Variants in JARID2 observed in about 807,000 individuals in gnomAD.
JARID2 encodes the protein protein Jumonji.
A neutral mutation model predicts 125.6 loss-of-function variants in JARID2; 21 were observed. The ratio of observed to expected loss-of-function variants is 0.17; its 90% CI spans 0.12 to 0.24. The LOEUF is 0.24. JARID2 is among the 10% of genes least tolerant of loss of function. The pLI, the probability that JARID2 is intolerant of heterozygous loss-of-function variation, is 1.00. For synonymous variants in JARID2, 736 were observed against 661.6 expected (o/e 1.11, Z -1.73); for missense variants, 1,303 against 1,639.6 (o/e 0.79, Z 3.55).
intron 1 of JARID2, among the ~76,000 whole-genome samples, chr6:15,308,040 A>G (rs1437589509): frequency 6.6e-6 from 1 of 152,180 alleles, no homozygotes; most frequent in East Asian, 1.9e-4. Flanking sequence ...GATGCACAGA[A>G]TGGTTGGTAA....
chr6:15,397,210 T>C (rs11756544), intron 2 of JARID2, among the ~76,000 whole-genome samples: 29,151 of 152,216 alleles, frequency 0.19, 3,379 homozygotes, highest in Non-Finnish European at 0.27. Context: ...AAGTCAAATA[T>C]TAGCACAGTA....
chr6:15,300,683 T>TTGTGTGTGTGTGTG (rs35433395), intron 1 of JARID2, among the ~76,000 whole-genome samples: 46 of 114,474 alleles, frequency 4.0e-4, no homozygotes, highest in African/African-American at 8.4e-4. Context: ...TGTCCTCATG[T>TTGTGTGTGTGTGTG]TGTGTGTGTG....
chr6:15,362,460 C>T (rs1158949165), intron 1 of JARID2, among the ~76,000 whole-genome samples: 2 of 152,208 alleles, frequency 1.3e-5, no homozygotes, highest in African/African-American at 4.8e-5. Context: ...CTGTTGAAGT[C>T]ATGATCAGTA....
chr6:15,366,437 C>G (rs1233310078), intron 1 of JARID2, among the ~76,000 whole-genome samples: 1 of 137,942 alleles, frequency 7.2e-6, no homozygotes, highest in Non-Finnish European at 1.5e-5. Flanking sequence ...AAAAGCACTT[C>G]TTTTTCTTTT....
Position 15,520,057 on chromosome 6 carries a change from AC to A in JARID2, c.3559-7del, listed in dbSNP as rs757314761. ...GGTATGTTAACTGTGTCTTCCTTTC[AC>A]CCCCAAACAGGAACAGATTATCAGT... On this transcript the variant is annotated splice_polypyrimidine_tract_variant and intron_variant, in intron 17 of 17. Transcript: ENST00000341776. 100 of 1,605,248 alleles carry A rather than the reference AC, an allele frequency of 6.2e-5. No homozygotes were observed. The highest frequency in any genetic ancestry group is 3.4e-6 in the Non-Finnish European group (4 of 1,176,062).
At chr6:15,475,543 A>G (rs542522541) in intron 5 of JARID2, among the ~76,000 whole-genome samples, 3 of 152,298 alleles carry the variant, frequency 2.0e-5, no homozygotes, top group African/African-American at 7.2e-5. Context: ...TAAACCCACT[A>G]GCCCCACATT....
intron 16 of JARID2, among the ~76,000 whole-genome samples, chr6:15,514,743 C>G (rs930047596): frequency 1.3e-5 from 2 of 152,198 alleles, no homozygotes; most frequent in East Asian, 1.9e-4. Context: ...TAGGCCCACC[C>G]TCATGGCCTC....
intron 1 of JARID2, among the ~76,000 whole-genome samples, chr6:15,262,764 A>G (rs1759932330): frequency 6.6e-6 from 1 of 151,796 alleles, no homozygotes; most frequent in Non-Finnish European, 1.5e-5. Context: ...TCTTGAACTC[A>G]TGATCCACCC....
chr6:15,502,996 C>T lies in JARID2; in HGVS notation c.2449-1504C>T, dbSNP rs145386336. Among the ~76,000 whole-genome samples, 956 of 152,338 alleles carry T rather than the reference C, an allele frequency of 6.3e-3. 14 individuals carry two copies. Among genetic ancestry groups the T allele is most frequent in the African/African-American group, 0.021 (877 of 41,562 alleles). On this transcript the variant is annotated intron_variant, in intron 8 of 17. Transcript: ENST00000341776. ...AAATGAGAAACTGTCAACGTTTTTA[C>T]TTTTTACTGAAGGAGGCCAATTCTG... is the stretch of plus-strand genomic sequence containing the variant.
At chr6:15,273,697 G>A (rs559251563) in intron 1 of JARID2, among the ~76,000 whole-genome samples, 2 of 152,202 alleles carry the variant, frequency 1.3e-5, no homozygotes, top group Non-Finnish European at 2.9e-5. Flanking sequence ...GCGAAACTCT[G>A]TCTCAAAAAA....
chr6:15,271,995 C>T (rs1318502818), intron 1 of JARID2, among the ~76,000 whole-genome samples: 3 of 151,600 alleles, frequency 2.0e-5, no homozygotes, highest in Non-Finnish European at 2.9e-5. Context: ...GCGAGACTGT[C>T]GCCTGTAGTC....
chr6:15,438,315 A>G (rs1320295493), intron 3 of JARID2, among the ~76,000 whole-genome samples: 1 of 152,172 alleles, frequency 6.6e-6, no homozygotes, highest in Non-Finnish European at 1.5e-5. Context: ...TGCATTATAA[A>G]GAGGGTAGTT....
intron 3 of JARID2, among the ~76,000 whole-genome samples, chr6:15,414,251 G>T (rs1416259827): frequency 1.3e-5 from 2 of 152,098 alleles, no homozygotes; most frequent in African/African-American, 4.8e-5. Context: ...TTTCCAACCT[G>T]CACGTTGAAG....
intron 4 of JARID2, among the ~76,000 whole-genome samples, chr6:15,466,240 C>T (rs1429843861): frequency 1.3e-5 from 2 of 152,154 alleles, no homozygotes; most frequent in Admixed American, 6.5e-5. Flanking sequence ...GCTTTCCCTC[C>T]TGCTTCTCCT....
chr6:15,520,006 C>T, intron 17 of JARID2, 63 bp from the exon 18 acceptor site: 2 of 1,442,668 alleles, frequency 1.4e-6, no homozygotes, highest in East Asian at 2.5e-5. Flanking sequence ...CTGCATGGCT[C>T]TCAGGGACAG....
chr6:15,497,242 T>C, intron 7 of JARID2, 72 bp downstream of exon 7: 2 of 1,152,052 alleles, frequency 1.7e-6, no homozygotes, highest in Admixed American at 2.7e-5. Context: ...TCCCTCACAG[T>C]CTTCACGTTC....
chr6:15,415,262 C>T (rs1453476743), intron 3 of JARID2, among the ~76,000 whole-genome samples: 1 of 152,260 alleles, frequency 6.6e-6, no homozygotes, highest in African/African-American at 2.4e-5. Flanking sequence ...CCCTTCCCCA[C>T]CTTTCCCCCC....
chr6:15,497,826 G>A (rs953730181), intron 7 of JARID2, among the ~76,000 whole-genome samples: 5 of 152,218 alleles, frequency 3.3e-5, no homozygotes, highest in South Asian at 2.1e-4. Context: ...TATAGAGGCT[G>A]GAAGCCCAAG....
intron 5 of JARID2, among the ~76,000 whole-genome samples, chr6:15,469,526 G>A (rs138551184): frequency 6.7e-6 from 1 of 149,984 alleles, no homozygotes; most frequent in African/African-American, 2.5e-5. Flanking sequence ...TCTACCTCCC[G>A]GGTTCACGCC....
Sources: gnomAD v4.1 joint callset for allele counts (sites outside exome capture counted in the v4.1 genomes callset) on GRCh38, gnomAD v4.1.1 for gene constraint, MANE v1.5 for transcripts, NCBI Gene and HGNC (gene_info 2026-07-23, HGNC 2026-07-21) for gene names.